TAOK2: variants seen among roughly 807,000 people sequenced by gnomAD.
TAOK2 encodes serine/threonine-protein kinase TAO2.
A neutral mutation model predicts 122.5 loss-of-function variants in TAOK2; 42 were observed. That is an observed-to-expected ratio of 0.34 (90% CI 0.27 to 0.44). The LOEUF is 0.44. Among genes scored for constraint, TAOK2 ranks in the 20% least tolerant of loss-of-function variants. TAOK2 has a pLI of 1.00. For missense variants in TAOK2, 1,264 were observed against 1,644.9 expected (o/e 0.77, Z 4.01); for synonymous variants, 704 against 677.6 (o/e 1.04, Z -0.61).
At position 29,986,656 on chromosome 16, in the gene TAOK2, C is replaced by T; in HGVS notation, c.2384C>T (p.Ala795Val). The T allele has an allele frequency of 1.9e-6, 3 of 1,612,292 alleles. No homozygotes were observed. Among genetic ancestry groups the T allele is most frequent in the East Asian group, 4.5e-5 (2 of 44,862 alleles). Residue 795 changes from alanine (A) to valine (V), a missense_variant, in exon 16 of 16, where the codon GCA (alanine) becomes GTA (valine). Transcript: ENST00000308893. This position sits in a 1 kb window ranked among gnomAD's most constrained non-coding sequence, Gnocchi z 4.2. ...DQRMLGEEEEAVGERRILGKE... is the reference protein window; with the variant it reads ...DQRMLGEEEEVVGERRILGKE... ...AGAATGCTTGGCGAGGAGGAGGAAG[C>T]AGTTGGAGAGAGAAGGATTCTGGGA...
rs1317712147 is a variant in TAOK2, at chr16:29,979,174, C to A, written c.450-21C>A. The A allele has an allele frequency of 6.2e-7, 1 of 1,613,790 alleles. No individual in the cohort carries two copies. On this transcript the variant is annotated intron_variant, in intron 6 of 15. Coordinates refer to ENST00000308893, the MANE Select transcript of TAOK2 (RefSeq NM_016151.4). The surrounding 1 kb of genome is among the most constrained non-coding windows in gnomAD (Gnocchi z 4.1). ...GCTTTCTTGAGACACATGTCTCATC[C>A]CTGTACTTTGCCTCTGGCAGGGATG... is the stretch of plus-strand genomic sequence containing the variant.
chr16:29,982,000 C>G (rs1231401890), intron 10 of TAOK2, 60 bp downstream of exon 10: 1 of 1,441,122 alleles, frequency 6.9e-7, no homozygotes, highest in African/African-American at 1.4e-5. Flanking sequence ...CCACAAGAAC[C>G]CCCAGGGAAA....
chr16:29,990,894 G>A, downstream of TAOK2: 2 of 1,613,706 alleles, frequency 1.2e-6, no homozygotes, highest in Non-Finnish European at 1.7e-6. Context: ...TCCGCACAGA[G>A]AGCCAGCACG....
chr16:29,982,755 C>A lies in TAOK2; in HGVS notation c.853C>A (p.Arg285=), dbSNP rs569219357. 2.1e-5 allele frequency: 34 copies of A among 1,613,558 alleles called. No individual in the cohort carries two copies. The South Asian group carries it at 3.6e-4, about 17-fold the overall frequency. ...CCAGCACCGCTTTGTGCTCCGGGAGCGGCCACCCACAGTCATCATGGACCT... is the reference window on the plus strand; with the variant it reads ...CCAGCACCGCTTTGTGCTCCGGGAGAGGCCACCCACAGTCATCATGGACCT... ...LLKHRFVLRE[R]PPTVIMDLIQ... The change falls in exon 11 of 16, where the codon CGG becomes AGG. Residue 285 remains arginine, a synonymous_variant. Coordinates refer to ENST00000308893, the MANE Select transcript of TAOK2 (RefSeq NM_016151.4).
Position 29,977,863 on chromosome 16 carries a change from C to T in TAOK2, c.91C>T (p.Leu31Phe), listed in dbSNP as rs2069502522. Residue 31 changes from leucine (L) to phenylalanine (F), a missense_variant, in exon 2 of 16, where the codon CTC (leucine) becomes TTC (phenylalanine). Physicochemically the swap from Leu to Phe is conservative, Grantham distance 22 (BLOSUM62 0). Coordinates refer to ENST00000308893, the MANE Select transcript of TAOK2 (RefSeq NM_016151.4). Reference sequence around the variant, plus strand: ...TGACCCAGAAAAGCTCTTCTCTGACCTCCGGGAAATTGGCCATGGCAGCTT... The same window carrying T: ...TGACCCAGAAAAGCTCTTCTCTGACTTCCGGGAAATTGGCCATGGCAGCTT... Reference protein sequence around the residue: ...KDDPEKLFSDLREIGHGSFGA... With the variant: ...KDDPEKLFSDFREIGHGSFGA... 3 of 1,614,156 alleles carry T rather than the reference C, an allele frequency of 1.9e-6. No individual in the cohort carries two copies. The highest frequency in any genetic ancestry group is 2.5e-6 in the Non-Finnish European group (3 of 1,180,016).
downstream of TAOK2, chr16:29,990,026 T>C (rs762714552): frequency 5.6e-6 from 3 of 537,506 alleles, no homozygotes; most frequent in South Asian, 2.3e-5. Flanking sequence ...GACAAAGCCA[T>C]GTGCCTATTC....
intron 1 of TAOK2, among the ~76,000 whole-genome samples, chr16:29,977,038 T>C (rs890265521): frequency 2.6e-5 from 4 of 152,206 alleles, no homozygotes; most frequent in African/African-American, 9.6e-5. Context: ...GTAAATGTTA[T>C]TTGTACCCTG....
downstream of TAOK2, chr16:29,988,913 T>G: frequency 1.0e-6 from 1 of 985,296 alleles, no homozygotes; most frequent in Non-Finnish European, 1.2e-6. Flanking sequence ...GCGGATCTGG[T>G]CAGGGTGGTA....
downstream of TAOK2, chr16:29,991,582 G>A: frequency 6.9e-7 from 1 of 1,457,576 alleles, no homozygotes; most frequent in Non-Finnish European, 9.1e-7. This position sits in a 1 kb window ranked among gnomAD's most constrained non-coding sequence, Gnocchi z 5.6. Context: ...GCAGCGGGGA[G>A]GAGCAGATGA....
rs1176796261 is a variant in TAOK2 at position 29,981,713 on chromosome 16, C to T, written c.708C>T (p.His236=). Residue 236 remains histidine (H), a synonymous_variant, in exon 9 of 16, where the codon CAC becomes CAT. Transcript: ENST00000308893. ...TGAATGCGATGAGTGCCTTATACCA[C>T]ATTGCACAGAACGAATCCCCCGTGC... is the stretch of plus-strand genomic sequence containing the variant. ...FNMNAMSALY[H]IAQNESPVLQ... 1 of 1,614,084 alleles carries T rather than the reference C, an allele frequency of 6.2e-7. No individual in the cohort carries two copies. The highest frequency in any genetic ancestry group is 1.3e-5 in the African/African-American group (1 of 74,926).
intron 10 of TAOK2, among the ~76,000 whole-genome samples, 164 bp from the exon 11 acceptor site, chr16:29,982,570 G>C (rs974543580): frequency 4.4e-5 from 3 of 67,960 alleles, no homozygotes; most frequent in Non-Finnish European, 7.5e-5. Flanking sequence ...GTAGGTACTG[G>C]GTGGTACAGA....
At chr16:29,983,696 G>A (rs958262830) in intron 13 of TAOK2, 32 bp downstream of exon 13, 8 of 1,582,214 alleles carry the variant, frequency 5.1e-6, no homozygotes, top group Middle Eastern at 1.7e-4. Context: ...CAGCCTGCTC[G>A]CTGTCTGTTT....
At position 29,977,763 on chromosome 16, in the gene TAOK2, A is replaced by T. The variant is rs1159701033; in HGVS notation, c.-10A>T. Reference sequence around the variant, plus strand: ...GCCAGGCCCCACTCTCAGGGCCCCCAGGGGCCACCATGCCAGCTGGGGGCC... The same window carrying T: ...GCCAGGCCCCACTCTCAGGGCCCCCTGGGGCCACCATGCCAGCTGGGGGCC... On this transcript the variant is annotated 5_prime_UTR_variant, in exon 2 of 16. Coordinates refer to ENST00000308893, the MANE Select transcript of TAOK2 (RefSeq NM_016151.4). 2 of 1,613,692 alleles carry T rather than the reference A, an allele frequency of 1.2e-6. No homozygotes were observed. The highest frequency in any genetic ancestry group is 1.7e-5 in the Admixed American group (1 of 59,982).
downstream of TAOK2, chr16:29,991,751 A>G (rs1443272661): frequency 2.6e-6 from 2 of 768,750 alleles, no homozygotes; most frequent in African/African-American, 1.8e-5. This position sits in a 1 kb window ranked among gnomAD's most constrained non-coding sequence, Gnocchi z 5.6. Flanking sequence ...CAGCTTGGCG[A>G]TAGGTGCCTC....
In TAOK2 at chr16:29,986,670, A is replaced by G; in HGVS notation, c.2398A>G (p.Arg800Gly). 6.2e-7 allele frequency: 1 copy of G among 1,612,974 alleles called. No homozygotes were observed. Among genetic ancestry groups the G allele is most frequent in the Non-Finnish European group, 8.5e-7 (1 of 1,179,628 alleles). ...GEEEEAVGERRILGKEGATLE... is the reference protein window; with the variant it reads ...GEEEEAVGERGILGKEGATLE... ...GGAGGAGGAAGCAGTTGGAGAGAGAAGGATTCTGGGAAAGGAAGGGGCCAC... is the reference window on the plus strand; with the variant it reads ...GGAGGAGGAAGCAGTTGGAGAGAGAGGGATTCTGGGAAAGGAAGGGGCCAC... Residue 800 changes from arginine to glycine, a missense_variant, in exon 16 of 16, where the codon AGG becomes GGG. By Grantham distance (125) the Arg-to-Gly change is moderately radical. Transcript: ENST00000308893. The surrounding 1 kb of genome is among the most constrained non-coding windows in gnomAD (Gnocchi z 4.2).
In TAOK2 at chr16:29,987,861, C is replaced by A; in HGVS notation, c.3589C>A (p.Leu1197Ile). 6.2e-7 allele frequency: 1 copy of A among 1,609,444 alleles called. No homozygotes were observed. The highest frequency in any genetic ancestry group is 8.5e-7 in the Non-Finnish European group (1 of 1,179,208). ...RGERPTRIPR[L>I]LPRSQRQLGP... ...TGAACGGCCCACCCGAATCCCCCGG[C>A]TACTACCACGCAGCCAGCGCCAGCT... The change falls in exon 16 of 16, where the codon CTA becomes ATA. Residue 1197 changes from leucine (L) to isoleucine (I), a missense_variant. Leu to Ile is a conservative substitution (Grantham distance 5). Around this residue, in one of 4 missense-constraint regions of TAOK2, gnomAD observed 824 missense variants for 908.7 expected, o/e 0.91. Transcript: ENST00000308893.
chr16:29,989,607 G>T (rs1243529481), downstream of TAOK2: 1 of 1,614,016 alleles, frequency 6.2e-7, no homozygotes, highest in South Asian at 1.1e-5. Flanking sequence ...AGGAGCTGCA[G>T]ATCAAGAAGC....
In TAOK2 at chr16:29,988,303, T is replaced by C; in HGVS notation, c.*323T>C. Reference sequence around the variant, plus strand: ...AGAGTCATGTTTTTTTTCTCCTCTTTGATTTTGTTTTTCTGTCTCCCTTCC... The same window carrying C: ...AGAGTCATGTTTTTTTTCTCCTCTTCGATTTTGTTTTTCTGTCTCCCTTCC... On this transcript the variant is annotated 3_prime_UTR_variant, in exon 16 of 16. Transcript: ENST00000308893. 6.9e-7 allele frequency: 1 copy of C among 1,441,386 alleles called. No individual in the cohort carries two copies. Among genetic ancestry groups the C allele is most frequent in the Non-Finnish European group, 9.2e-7 (1 of 1,091,820 alleles). 89.3% of individuals were successfully genotyped at this position (1,441,386 alleles called of 1,614,324 possible). A position where few individuals can be genotyped will look rare whatever the true frequency, so the allele number is the denominator to read the frequency against.
Position 29,978,084 on chromosome 16 carries a change from T to C in TAOK2, c.133-5T>C, listed in dbSNP as rs1330932519. 1 of 1,614,114 alleles carries C rather than the reference T, an allele frequency of 6.2e-7. No homozygotes were observed. The highest frequency in any genetic ancestry group is 1.7e-4 in the Middle Eastern group (1 of 6,050). ...CCTTCAACACCTTCTGGTCTGGTCC[T>C]CTAGGCCCGGGATGTCCGGAATAGT... On this transcript the variant is annotated splice_polypyrimidine_tract_variant and splice_region_variant and intron_variant, in intron 2 of 15. Transcript: ENST00000308893.
Sources: gnomAD v4.1 joint callset for allele counts (sites outside exome capture counted in the v4.1 genomes callset) on GRCh38, gnomAD v4.1.1 for gene constraint, gnomAD v4.1.1 regional missense constraint, Gnocchi (gnomAD v3.1) non-coding constraint, MANE v1.5 for transcripts, NCBI Gene and HGNC (gene_info 2026-07-23, HGNC 2026-07-21) for gene names.